Variants in MTUS2 observed in about 807,000 individuals in gnomAD.
The protein encoded by MTUS2 is microtubule-associated tumor suppressor candidate 2.
In MTUS2, 40 loss-of-function variants were observed where a neutral mutation model predicts 114.1. The ratio of observed to expected loss-of-function variants is 0.35; its 90% confidence interval spans 0.27 to 0.46. The LOEUF (loss-of-function observed/expected upper bound fraction) is 0.46. MTUS2 is among the 20% of genes least tolerant of loss of function. MTUS2 has a pLI of 1.00. For synonymous variants in MTUS2, 688 were observed against 672.0 expected (o/e 1.02, Z -0.37); for missense variants, 1,679 against 1,705.4 (o/e 0.98, Z 0.27).
At chr13:29,491,380 A>C (rs1460869321) in intron 11 of MTUS2, among the ~76,000 whole-genome samples, 2 of 139,188 alleles carry the variant, frequency 1.4e-5, no homozygotes, top group Non-Finnish European at 3.1e-5. Flanking sequence ...TATGGTATAT[A>C]TGTGTGTGGT....
chr13:29,456,569 G>T (rs759221333), intron 9 of MTUS2, among the ~76,000 whole-genome samples: 2 of 152,076 alleles, frequency 1.3e-5, no homozygotes, highest in African/African-American at 4.8e-5. Context: ...AGAGCCAAGG[G>T]GCTGAAAATC....
rs767577452 is a variant in MTUS2, at chr13:29,025,902, T to A, written c.1204T>A (p.Ser402Thr). ...CACCACCCCCAAACAGGGCTCTGCTTCCTTAGGAGGGGCTGATAATCAGCC... is the reference window on the plus strand; with the variant it reads ...CACCACCCCCAAACAGGGCTCTGCTACCTTAGGAGGGGCTGATAATCAGCC... ...LHTTPKQGSA[S>T]LGGADNQPTG... The change falls in exon 3 of 16, where the codon TCC (serine) becomes ACC (threonine). Residue 402 changes from serine to threonine, a missense_variant. Physicochemically the swap from Ser to Thr is moderately conservative, Grantham distance 58. Transcript: ENST00000612955. 1 of 1,613,590 alleles carries A rather than the reference T, an allele frequency of 6.2e-7. No individual in the cohort carries two copies. Among genetic ancestry groups the A allele is most frequent in the Non-Finnish European group, 8.5e-7 (1 of 1,179,702 alleles).
chr13:29,243,671 T>C (rs1896808939), intron 5 of MTUS2, among the ~76,000 whole-genome samples: 2 of 152,074 alleles, frequency 1.3e-5, no homozygotes, highest in African/African-American at 2.4e-5. Flanking sequence ...AAAGGAGAAG[T>C]GTTGAAAATA....
intron 5 of MTUS2, among the ~76,000 whole-genome samples, chr13:29,136,444 C>T (rs1483180718): frequency 2.0e-5 from 3 of 152,126 alleles, no homozygotes; most frequent in African/African-American, 7.2e-5. Flanking sequence ...GGTGTCTGGT[C>T]ACCCGAATGA....
intron 2 of MTUS2, among the ~76,000 whole-genome samples, chr13:28,864,158 C>G (rs1180355519): frequency 1.3e-5 from 2 of 152,140 alleles, no homozygotes; most frequent in Admixed American, 1.3e-4. Flanking sequence ...AAGATTCATT[C>G]AGGTGAATTT....
intron 2 of MTUS2, among the ~76,000 whole-genome samples, chr13:28,869,320 G>A (rs910076329): frequency 3.9e-5 from 6 of 152,066 alleles, no homozygotes; most frequent in African/African-American, 1.2e-4. Context: ...CATTGACCTC[G>A]ATCATAGGGC....
intron 5 of MTUS2, among the ~76,000 whole-genome samples, chr13:29,126,445 G>A (rs1281991531): frequency 6.6e-6 from 1 of 151,924 alleles, no homozygotes; most frequent in Non-Finnish European, 1.5e-5. Context: ...TACCCCTCTC[G>A]CTCTACCTGT....
In MTUS2 at chr13:28,849,896, A is replaced by G. The variant is rs541192587; in HGVS notation, c.-243+10046A>G. 7.2e-5 allele frequency among the ~76,000 whole-genome samples: 11 copies of G among 152,196 alleles called. No homozygotes were observed. The East Asian group carries it at 2.1e-3, about 29-fold the overall frequency. On this transcript the variant is annotated intron_variant, in intron 2 of 15. Transcript: ENST00000612955. ...ACCCTTCCCAAGTTTTTCCTGCATAAAAAGTCTTTAACAATCTTATTTGGC... is the reference window on the plus strand; with the variant it reads ...ACCCTTCCCAAGTTTTTCCTGCATAGAAAGTCTTTAACAATCTTATTTGGC...
chr13:29,105,241 C>T (rs9506110), intron 5 of MTUS2, among the ~76,000 whole-genome samples: 102,223 of 152,098 alleles, frequency 0.67, 35,058 homozygotes, highest in Non-Finnish European at 0.74. Context: ...TCACATTAAT[C>T]AGTAATTAGG....
intron 6 of MTUS2, chr13:29,307,301 T>A (rs973288709): frequency 3.0e-6 from 2 of 670,688 alleles, no homozygotes; most frequent in African/African-American, 1.8e-5. Flanking sequence ...GAAGGACTCA[T>A]GACCACAGTC....
intron 2 of MTUS2, among the ~76,000 whole-genome samples, chr13:28,889,470 C>G (rs540391900): frequency 6.6e-6 from 1 of 152,256 alleles, no homozygotes; most frequent in African/African-American, 2.4e-5. Flanking sequence ...TAATAACTCT[C>G]TGTGTCGTTG....
chr13:28,852,298 T>C (rs754627916), intron 2 of MTUS2, among the ~76,000 whole-genome samples: 17 of 152,150 alleles, frequency 1.1e-4, no homozygotes, highest in Admixed American at 3.3e-4. Flanking sequence ...GTCTCTCCAG[T>C]TGGATTGGAA....
rs142433974 is a variant in MTUS2, at chr13:28,898,001, G to T, written c.-243+58151G>T. Among the ~76,000 whole-genome samples the T allele has an allele frequency of 8.3e-3, 1,266 of 152,178 alleles. 18 individuals are homozygous for T. The highest frequency in any genetic ancestry group is 0.034 in the East Asian group (177 of 5,168). On this transcript the variant is annotated intron_variant, in intron 2 of 15. Coordinates refer to ENST00000612955, the MANE Select transcript of MTUS2 (RefSeq NM_001033602.4). ...ACCAACACGGCACATGTATACATAT[G>T]TGACTAACCTGCACATTGTGCACAT...
At chr13:29,213,106 A>G (rs2139290571) in intron 5 of MTUS2, among the ~76,000 whole-genome samples, 1 of 152,364 alleles carries the variant, frequency 6.6e-6, no homozygotes, top group South Asian at 2.1e-4. Context: ...TTAGAACAAA[A>G]GATTCTTCTA....
intron 4 of MTUS2, among the ~76,000 whole-genome samples, chr13:29,038,478 C>T (rs939497746): frequency 6.6e-6 from 1 of 152,226 alleles, no homozygotes; most frequent in African/African-American, 2.4e-5. Context: ...TGTCTGTCTG[C>T]CCCTGCTGGG....
intron 9 of MTUS2, 83 bp downstream of exon 9, chr13:29,440,132 C>G: frequency 7.3e-7 from 1 of 1,364,246 alleles, no homozygotes; most frequent in Non-Finnish European, 1.0e-6. Context: ...AATTATGCCT[C>G]CTGTAATAAG....
At chr13:29,397,548 T>A (rs931426108) in intron 8 of MTUS2, among the ~76,000 whole-genome samples, 1 of 152,222 alleles carries the variant, frequency 6.6e-6, no homozygotes, top group Non-Finnish European at 1.5e-5. Flanking sequence ...TCAGTCAGAA[T>A]CTGCATTCTA....
At chr13:28,833,734 T>C (rs1357457653) in intron 1 of MTUS2, among the ~76,000 whole-genome samples, 1 of 152,106 alleles carries the variant, frequency 6.6e-6, no homozygotes. Flanking sequence ...ATCATCCAGA[T>C]TGGAAAGGAA....
intron 8 of MTUS2, among the ~76,000 whole-genome samples, chr13:29,360,846 G>A (rs918019814): frequency 4.6e-5 from 7 of 152,092 alleles, no homozygotes; most frequent in African/African-American, 1.7e-4. Context: ...GGAAAACAGG[G>A]CTGTTCCTTG....
Sources: allele counts gnomAD v4.1 joint callset (sites outside exome capture counted in the v4.1 genomes callset), GRCh38; gene constraint gnomAD v4.1.1; transcripts MANE v1.5; gene names NCBI Gene and HGNC (gene_info 2026-07-23, HGNC 2026-07-21).